TNIP3: variants seen among roughly 807,000 people sequenced by gnomAD.
TNIP3 encodes TNFAIP3-interacting protein 3.
In TNIP3, 34 loss-of-function variants were observed where a neutral mutation model predicts 54.1. The observed-to-expected ratio is 0.63, with a 90% confidence interval of 0.48 to 0.84. TNIP3 has a LOEUF of 0.84. Among genes scored for constraint, TNIP3 ranks in the 40% least tolerant of loss-of-function variants. TNIP3 has a pLI of 0.00. For synonymous variants in TNIP3, 134 were observed against 136.8 expected, an observed-to-expected ratio of 0.98 and a Z score of 0.14; for missense variants, 366 against 387.6, an observed-to-expected ratio of 0.94 and a Z score of 0.47.
chr4:121,160,340 A>ATGG (rs1193963561), intron 2 of TNIP3, among the ~76,000 whole-genome samples: 4 of 152,104 alleles, frequency 2.6e-5, no homozygotes, highest in African/African-American at 9.7e-5. Flanking sequence ...TTAGCTGGGC[A>ATGG]TGGTCGTGCA....
intron 2 of TNIP3, among the ~76,000 whole-genome samples, chr4:121,213,364 A>T (rs1200697844): frequency 6.6e-6 from 1 of 152,184 alleles, no homozygotes; most frequent in Admixed American, 6.5e-5. Flanking sequence ...ATTAAAATGA[A>T]TCATAGTCAT....
intron 2 of TNIP3, 76 bp downstream of exon 2, chr4:121,161,060 C>T (rs1279490467): frequency 1.5e-5 from 18 of 1,164,808 alleles, no homozygotes; most frequent in Non-Finnish European, 2.1e-5. Context: ...AAATAAAAGG[C>T]ACAAGGATAA....
At chr4:121,190,702 G>C (rs1199858216) in intron 2 of TNIP3, among the ~76,000 whole-genome samples, 1 of 152,180 alleles carries the variant, frequency 6.6e-6, no homozygotes, top group Non-Finnish European at 1.5e-5. Context: ...TGGAATTAAA[G>C]CCATAGTCAG....
intron 2 of TNIP3, among the ~76,000 whole-genome samples, chr4:121,160,412 G>A (rs1730375619): frequency 6.6e-6 from 1 of 152,028 alleles, no homozygotes; most frequent in Admixed American, 6.5e-5. Context: ...CCTGGAGGCA[G>A]AGGCTGCAGT....
At chr4:121,197,299 G>A (rs567390993) in intron 2 of TNIP3, among the ~76,000 whole-genome samples, 21 of 152,152 alleles carry the variant, frequency 1.4e-4, no homozygotes, top group Admixed American at 5.9e-4. Context: ...AAGCTGAAGC[G>A]GGTGGATCAC....
At chr4:121,195,227 G>GTAACC (rs766407506) in intron 2 of TNIP3, among the ~76,000 whole-genome samples, 68 of 152,192 alleles carry the variant, frequency 4.5e-4, no homozygotes, top group Admixed American at 1.0e-3. Context: ...ACGTCTTTGA[G>GTAACC]TAACCCCCAT....
Position 121,203,477 on chromosome 4 carries a change from G to C in TNIP3, c.68+12938C>G, listed in dbSNP as rs531168704. On this transcript the variant is annotated intron_variant, in intron 2 of 12. Coordinates refer to the TNIP3 transcript ENST00000507879. ...CTTTGGGGACTCAGGGGAAAGAATGGGACAGGGGTGAGGGATAAAAGACTA... is the reference window on the plus strand; with the variant it reads ...CTTTGGGGACTCAGGGGAAAGAATGCGACAGGGGTGAGGGATAAAAGACTA... Among the ~76,000 whole-genome samples the C allele has an allele frequency of 6.6e-5, 10 of 152,140 alleles. No homozygotes were observed. The South Asian group carries it at 2.1e-3, about 32-fold the overall frequency.
upstream of TNIP3, among the ~76,000 whole-genome samples, chr4:121,165,077 T>C (rs1384178913): frequency 6.6e-6 from 1 of 151,708 alleles, no homozygotes; most frequent in African/African-American, 2.4e-5. Flanking sequence ...AGGCAAGGAA[T>C]ACAAAAAAGG....
chr4:121,224,601 A>AT (rs1727181524), intron 1 of TNIP3, among the ~76,000 whole-genome samples: 2 of 152,140 alleles, frequency 1.3e-5, no homozygotes, highest in African/African-American at 4.8e-5. Flanking sequence ...TATTGTTTTC[A>AT]CCCATATTTA....
At chr4:121,136,349 C>T (rs553568253) in intron 10 of TNIP3, among the ~76,000 whole-genome samples, 11 of 152,222 alleles carry the variant, frequency 7.2e-5, no homozygotes, top group South Asian at 6.2e-4. Flanking sequence ...GAGAGAGGTA[C>T]AGTAAGAGGG....
intron 4 of TNIP3, 35 bp from the exon 5 acceptor site, chr4:121,154,714 A>T: frequency 6.4e-7 from 1 of 1,561,178 alleles, no homozygotes; most frequent in Admixed American, 2.0e-5. Context: ...AATAAAAGTC[A>T]GTACAAGTCA....
In TNIP3 at chr4:121,158,686, C is replaced by T; in HGVS notation, c.213+1G>A. ...AATACCGAATAGAGAGAGGTATTTACCTTTCTTTCATATAACTCTTTCATA... is the reference window on the plus strand; with the variant it reads ...AATACCGAATAGAGAGAGGTATTTATCTTTCTTTCATATAACTCTTTCATA... On this transcript the variant is annotated splice_donor_variant, in intron 3 of 10. Coordinates refer to ENST00000057513, the MANE Select transcript of TNIP3 (RefSeq NM_024873.6). LOFTEE classifies it high-confidence loss of function. 1 of 1,609,026 alleles carries T rather than the reference C, an allele frequency of 6.2e-7. No homozygotes were observed. Among genetic ancestry groups the T allele is most frequent in the Non-Finnish European group, 8.5e-7 (1 of 1,175,944 alleles).
Position 121,132,509 on chromosome 4 carries a change from G to A in TNIP3, c.*122C>T. 1 of 876,256 alleles carries A rather than the reference G, an allele frequency of 1.1e-6. No homozygotes were observed. The highest frequency in any genetic ancestry group is 1.7e-5 in the South Asian group (1 of 59,586). The allele number at this position is 876,256 out of a possible 1,614,324, so 54.3% of individuals were successfully genotyped here. On this transcript the variant is annotated 3_prime_UTR_variant, in exon 11 of 11. Transcript: ENST00000057513. Reference sequence around the variant, plus strand: ...TCATACCAAAGGAAAACATGACCAGGCACAAATAACAGGGTAGATGATGTG... The same window carrying A: ...TCATACCAAAGGAAAACATGACCAGACACAAATAACAGGGTAGATGATGTG...
chr4:121,132,674 A>G lies in TNIP3; in HGVS notation c.947-12T>C, dbSNP rs753849612. ...TACTGAGGATAAACCTATGGAAAAC[A>G]GTAGGAAAATGTTTTAGATTAAAAA... On this transcript the variant is annotated splice_polypyrimidine_tract_variant and intron_variant, in intron 10 of 10. Transcript: ENST00000057513. 6.2e-7 allele frequency: 1 copy of G among 1,607,282 alleles called. No individual in the cohort carries two copies. Among genetic ancestry groups the G allele is most frequent in the South Asian group, 1.1e-5 (1 of 90,852 alleles).
chr4:121,140,805 G>A lies in TNIP3; in HGVS notation c.885+1011C>T, dbSNP rs572603041. Among the ~76,000 whole-genome samples the A allele has an allele frequency of 3.3e-5, 5 of 152,248 alleles. No homozygotes were observed. In the East Asian group the frequency reaches 9.6e-4, roughly 29 times the overall value. On this transcript the variant is annotated intron_variant, in intron 9 of 10. Transcript: ENST00000057513. ...GGGGGAGGGAGAGCAGACAGAACTA[G>A]CAACCCGCAATAACATGAAAAGACT... is the stretch of plus-strand genomic sequence containing the variant.
chr4:121,203,649 T>A (rs1299662919), intron 2 of TNIP3, among the ~76,000 whole-genome samples: 15 of 152,170 alleles, frequency 9.9e-5, no homozygotes. Context: ...TCATCTGATA[T>A]AATACATAAA....
At chr4:121,187,169 T>C (rs772992994) in intron 2 of TNIP3, among the ~76,000 whole-genome samples, 5 of 152,136 alleles carry the variant, frequency 3.3e-5, no homozygotes, top group Non-Finnish European at 5.9e-5. Flanking sequence ...CTTAATACAA[T>C]ACTATGACCT....
chr4:121,171,104 C>T (rs967697105), intron 3 of TNIP3, among the ~76,000 whole-genome samples: 1 of 152,144 alleles, frequency 6.6e-6, no homozygotes, highest in African/African-American at 2.4e-5. Flanking sequence ...GCGTGAGCCA[C>T]CATGCCTTGC....
Position 121,198,005 on chromosome 4 carries a change from G to C in TNIP3, c.69-15209C>G, listed in dbSNP as rs902412783. Among the ~76,000 whole-genome samples, 3 of 152,270 alleles carry C rather than the reference G, an allele frequency of 2.0e-5. No homozygotes were observed. In the South Asian group the frequency reaches 6.2e-4, roughly 32 times the overall value. ...ACAGGCAAAGGCAATTTTAAATATTGAGTAACTATGAAAATGTTCATCATG... is the reference window on the plus strand; with the variant it reads ...ACAGGCAAAGGCAATTTTAAATATTCAGTAACTATGAAAATGTTCATCATG... On this transcript the variant is annotated intron_variant, in intron 2 of 12. Transcript: ENST00000507879.
Sources: allele counts gnomAD v4.1 joint callset (sites outside exome capture counted in the v4.1 genomes callset), GRCh38; gene constraint gnomAD v4.1.1; transcripts MANE v1.5; gene names NCBI Gene and HGNC (gene_info 2026-07-23, HGNC 2026-07-21).